RBM20: variants seen among roughly 807,000 people sequenced by gnomAD.
RBM20 encodes RNA-binding protein 20.
RBM20 carries 51 observed loss-of-function variants against 110.1 expected under a neutral mutation model. The ratio of observed to expected loss-of-function variants is 0.46; its 90% confidence interval spans 0.37 to 0.59. The LOEUF (loss-of-function observed/expected upper bound fraction) is 0.59, where lower values mean the gene tolerates loss of function less well. Among genes scored for constraint, RBM20 ranks in the 20% least tolerant of loss-of-function variants. RBM20 has a pLI of 0.00. For synonymous variants in RBM20, 589 were observed against 618.2 expected (o/e 0.95, Z 0.70); for missense variants, 1,512 against 1,574.9 (o/e 0.96, Z 0.68).
chr10:110,796,659 G>A (rs1353456697), intron 5 of RBM20, among the ~76,000 whole-genome samples: 4 of 152,150 alleles, frequency 2.6e-5, no homozygotes, highest in African/African-American at 4.8e-5. Context: ...AGGCTGAGTC[G>A]GGAGGATGGC....
intron 13 of RBM20, among the ~76,000 whole-genome samples, chr10:110,832,218 G>A (rs893884568): frequency 1.3e-5 from 2 of 152,170 alleles, no homozygotes; most frequent in African/African-American, 2.4e-5. Flanking sequence ...GAGGGCCAGG[G>A]GTAAGTATCT....
At chr10:110,696,623 G>A (rs1328532818) in intron 1 of RBM20, among the ~76,000 whole-genome samples, 4 of 152,150 alleles carry the variant, frequency 2.6e-5, no homozygotes, top group Non-Finnish European at 1.5e-5. Context: ...TGGGCCAAGC[G>A]CAACCGTGGG....
At chr10:110,655,481 A>G (rs777153457) in intron 1 of RBM20, among the ~76,000 whole-genome samples, 38 of 152,344 alleles carry the variant, frequency 2.5e-4, no homozygotes, top group Admixed American at 7.2e-4. Context: ...TGCTAAAATA[A>G]TAACAGACAC....
At chr10:110,761,625 G>A (rs542133037) in intron 1 of RBM20, among the ~76,000 whole-genome samples, 1 of 152,312 alleles carries the variant, frequency 6.6e-6, no homozygotes, top group East Asian at 1.9e-4. Flanking sequence ...CTGGATCTCA[G>A]TCTTTCCCTG....
chr10:110,821,226 T>C (rs1455975500), intron 10 of RBM20, 49 bp from the exon 11 acceptor site: 4 of 1,490,220 alleles, frequency 2.7e-6, no homozygotes, highest in African/African-American at 2.8e-5. Flanking sequence ...TGCCTTCCAG[T>C]TGAATGCTCT....
At position 110,672,499 on chromosome 10, in the gene RBM20, C is replaced by A. The variant is rs761574072; in HGVS notation, c.191+27854C>A. 2.6e-5 allele frequency among the ~76,000 whole-genome samples: 4 copies of A among 152,370 alleles called. No individual in the cohort carries two copies. The South Asian group carries it at 8.3e-4, about 32-fold the overall frequency. ...TGCCGTCCTCCCTCGCCCGGCGGAG[C>A]TTCCGTGATCGTCAGCCAAAGCCCC... On this transcript the variant is annotated intron_variant, in intron 1 of 13. Coordinates refer to ENST00000369519, the MANE Select transcript of RBM20 (RefSeq NM_001134363.3).
At chr10:110,713,865 G>A (rs146971481) in intron 1 of RBM20, among the ~76,000 whole-genome samples, 9 of 152,238 alleles carry the variant, frequency 5.9e-5, no homozygotes, top group East Asian at 5.8e-4. Context: ...GTGCCAGTGC[G>A]TTTTCCAGCC....
intron 1 of RBM20, among the ~76,000 whole-genome samples, chr10:110,709,140 A>C (rs78871627): frequency 2.0e-5 from 3 of 152,218 alleles, no homozygotes; most frequent in Non-Finnish European, 4.4e-5. Context: ...GGACAGAGCT[A>C]TCCTGATGCA....
chr10:110,706,015 C>T (rs1250735965), intron 1 of RBM20, among the ~76,000 whole-genome samples: 3 of 151,318 alleles, frequency 2.0e-5, no homozygotes, highest in Non-Finnish European at 2.9e-5. Flanking sequence ...TGGGAGGTGG[C>T]GTTTGCAGTG....
intron 1 of RBM20, among the ~76,000 whole-genome samples, chr10:110,779,308 G>A (rs1205349346): frequency 6.6e-6 from 1 of 152,146 alleles, no homozygotes; most frequent in Non-Finnish European, 1.5e-5. Flanking sequence ...AAACATGCCT[G>A]TGCAATGAAA....
intron 5 of RBM20, among the ~76,000 whole-genome samples, chr10:110,792,427 A>G (rs1261320172): frequency 3.3e-5 from 5 of 152,190 alleles, no homozygotes; most frequent in African/African-American, 1.2e-4. Flanking sequence ...AATGCCAGGC[A>G]TTGCCCCAAA....
At position 110,664,652 on chromosome 10, in the gene RBM20, C is replaced by G. The variant is rs190206558; in HGVS notation, c.191+20007C>G. On this transcript the variant is annotated intron_variant, in intron 1 of 13. Transcript: ENST00000369519. The stretch of plus-strand genomic sequence containing the variant: ...GTCCCAGCTACTCTGGAGATTGAGG[C>G]ATGAGAATCGCTTGAACCTGGGAGG... Among the ~76,000 whole-genome samples the G allele has an allele frequency of 2.0e-4, 30 of 152,122 alleles. No individual in the cohort carries two copies. In the East Asian group the frequency reaches 3.9e-3, roughly 20 times the overall value.
Position 110,836,650 on chromosome 10 carries a change from G to T in RBM20, c.*672G>T, listed in dbSNP as rs923692484. 1 of 152,040 alleles carries T rather than the reference G, an allele frequency of 6.6e-6. No homozygotes were observed. Among genetic ancestry groups the T allele is most frequent in the African/African-American group, 2.4e-5 (1 of 41,374 alleles). The allele number at this position is 152,040 out of a possible 1,614,324, so 9.4% of individuals were successfully genotyped here. A position where few individuals can be genotyped will look rare whatever the true frequency, so the allele number is the denominator to read the frequency against. On this transcript the variant is annotated 3_prime_UTR_variant, in exon 14 of 14. Coordinates refer to ENST00000369519, the MANE Select transcript of RBM20 (RefSeq NM_001134363.3). ...ATCCTCTCAGTTATTCTAGAAATCT[G>T]CCAGACTTATGCCTTAAAGTAAAAT...
intron 9 of RBM20, among the ~76,000 whole-genome samples, chr10:110,818,309 C>CAAAAAAAAAA (rs1466741507): frequency 1.2e-4 from 14 of 119,800 alleles, no homozygotes; most frequent in East Asian, 8.4e-4. Flanking sequence ...AAAAAAAAAC[C>CAAAAAAAAAA]AAAACGACAA....
chr10:110,648,666 A>C (rs571416803), intron 1 of RBM20, among the ~76,000 whole-genome samples: 3 of 151,556 alleles, frequency 2.0e-5, no homozygotes, highest in African/African-American at 7.2e-5. Context: ...AGCATTCAGC[A>C]GGGAAAACAT....
chr10:110,774,599 G>A lies in RBM20; in HGVS notation c.192-6202G>A, dbSNP rs1005086807. Among the ~76,000 whole-genome samples, 7 of 152,056 alleles carry A rather than the reference G, an allele frequency of 4.6e-5. No individual in the cohort carries two copies. The South Asian group carries it at 1.2e-3, about 27-fold the overall frequency. ...TCCAGTCCCAGCTCTTCTCTGTCTCGGTGTGTGACTTAGGCGGTTTCACAG... is the reference window on the plus strand; with the variant it reads ...TCCAGTCCCAGCTCTTCTCTGTCTCAGTGTGTGACTTAGGCGGTTTCACAG... On this transcript the variant is annotated intron_variant, in intron 1 of 13. Coordinates refer to ENST00000369519, the MANE Select transcript of RBM20 (RefSeq NM_001134363.3).
Position 110,821,734 on chromosome 10 carries a change from C to T in RBM20, c.3115C>T (p.Pro1039Ser), listed in dbSNP as rs727503392. The T allele has an allele frequency of 3.2e-4, 498 of 1,551,770 alleles. No individual in the cohort carries two copies. The highest frequency in any genetic ancestry group is 4.0e-4 in the Non-Finnish European group (456 of 1,147,006). The change falls in exon 11 of 14, where the codon CCA (proline) becomes TCA (serine). Residue 1039 changes from proline (P) to serine (S), a missense_variant. This residue lies in a region of RBM20 where 358 missense variants were observed against 384.2 expected (regional missense o/e 0.93). Coordinates refer to ENST00000369519, the MANE Select transcript of RBM20 (RefSeq NM_001134363.3). ...GGGAGTGGAGAGCTCAGATGTTCATCCAGCCCCTACAGTCCAGCAAATGTC... is the reference window on the plus strand; with the variant it reads ...GGGAGTGGAGAGCTCAGATGTTCATTCAGCCCCTACAGTCCAGCAAATGTC... ...AKGVESSDVH[P>S]APTVQQMSSP...
At chr10:110,740,592 T>G (rs1843714933) in intron 1 of RBM20, among the ~76,000 whole-genome samples, 7 of 152,070 alleles carry the variant, frequency 4.6e-5, no homozygotes, top group Admixed American at 2.0e-4. Context: ...TTCCCCCATG[T>G]CTCCCTCTCC....
At chr10:110,752,043 A>G (rs754897799) in intron 1 of RBM20, among the ~76,000 whole-genome samples, 3 of 152,138 alleles carry the variant, frequency 2.0e-5, no homozygotes, top group Non-Finnish European at 4.4e-5. Context: ...ACATTGACTC[A>G]TCATAAGACC....
Sources: allele counts gnomAD v4.1 joint callset (sites outside exome capture counted in the v4.1 genomes callset), GRCh38; gene constraint gnomAD v4.1.1; regional missense constraint gnomAD v4.1.1; transcripts MANE v1.5; gene names NCBI Gene and HGNC (gene_info 2026-07-23, HGNC 2026-07-21).